PDE4D: variants seen among roughly 807,000 people sequenced by gnomAD.
The protein encoded by PDE4D is 3',5'-cyclic-AMP phosphodiesterase 4D.
PDE4D carries 24 observed loss-of-function variants against 87.4 expected under a neutral mutation model. The observed-to-expected ratio is 0.27, with a 90% confidence interval of 0.20 to 0.39. The LOEUF (loss-of-function observed/expected upper bound fraction) is 0.39, where lower values mean the gene tolerates loss of function less well. Ranked by LOEUF, PDE4D falls within the 10% of genes least tolerant of loss-of-function variation. The pLI is 1.00. For synonymous variants in PDE4D, 384 were observed against 383.2 expected, an observed-to-expected ratio of 1.00 and a Z score of -0.02; for missense variants, 714 against 1,041.0, an observed-to-expected ratio of 0.69 and a Z score of 4.32.
chr5:60,155,294 G>A (rs1363506723), intron 2 of PDE4D, among the ~76,000 whole-genome samples: 5 of 152,170 alleles, frequency 3.3e-5, no homozygotes, highest in Admixed American at 2.6e-4. Context: ...AATTTTTGTG[G>A]TGTGTACTTG....
At chr5:60,380,929 G>A (rs973156412) in intron 1 of PDE4D, among the ~76,000 whole-genome samples, 5 of 152,154 alleles carry the variant, frequency 3.3e-5, no homozygotes, top group African/African-American at 1.2e-4. Flanking sequence ...AACCAACAAA[G>A]CTTGGTGATT....
intron 1 of PDE4D, among the ~76,000 whole-genome samples, chr5:60,380,238 T>C (rs554271145): frequency 3.0e-4 from 45 of 152,312 alleles, no homozygotes; most frequent in African/African-American, 1.1e-3. Context: ...CAGGATAGAT[T>C]AGTGTATCCT....
intron 2 of PDE4D, among the ~76,000 whole-genome samples, chr5:59,990,370 T>C (rs1392313067): frequency 2.6e-5 from 4 of 152,168 alleles, no homozygotes; most frequent in Non-Finnish European, 4.4e-5. Context: ...ATGCTGTCTT[T>C]GATGCTCACT....
At chr5:59,418,106 C>T (rs1332932520) in intron 1 of PDE4D, among the ~76,000 whole-genome samples, 2 of 152,164 alleles carry the variant, frequency 1.3e-5, no homozygotes, top group Non-Finnish European at 2.9e-5. Context: ...CATTAGTCTC[C>T]TTACTCTAGT....
At chr5:59,003,573 C>T (rs1486836708) in intron 6 of PDE4D, among the ~76,000 whole-genome samples, 4 of 152,214 alleles carry the variant, frequency 2.6e-5, no homozygotes, top group African/African-American at 9.6e-5. Context: ...ATGTCAGGCA[C>T]TGCCTGAGAA....
In PDE4D at chr5:59,616,945, A is replaced by ATATATATATATATC. The variant is rs936160133; in HGVS notation, c.455+276222_455+276223insGATATATATATATA. Among the ~76,000 whole-genome samples the ATATATATATATATC allele has an allele frequency of 2.9e-4, 40 of 137,266 alleles. 2 individuals carry two copies. Among genetic ancestry groups the ATATATATATATATC allele is most frequent in the Middle Eastern group, 3.8e-3 (1 of 264 alleles). 90.1% of individuals were successfully genotyped at this position (137,266 alleles called of 152,430 possible). On this transcript the variant is annotated intron_variant, in intron 1 of 14. Coordinates refer to ENST00000340635, the MANE Select transcript of PDE4D (RefSeq NM_001104631.2). ...TATATATATATATATATATATATAT[A>ATATATATATATATC]TCTCCAAGATTTTAAAGTATTAGGT... is the stretch of plus-strand genomic sequence containing the variant.
intron 1 of PDE4D, among the ~76,000 whole-genome samples, chr5:59,599,860 G>A (rs1051774320): frequency 3.3e-5 from 5 of 152,160 alleles, no homozygotes; most frequent in Non-Finnish European, 5.9e-5. Flanking sequence ...AGAAAGTGGT[G>A]AGGAAAGGAA....
chr5:60,032,479 T>G (rs1428756520), intron 2 of PDE4D, among the ~76,000 whole-genome samples: 1 of 152,202 alleles, frequency 6.6e-6, no homozygotes, highest in Non-Finnish European at 1.5e-5. Context: ...GGTAAGAGTT[T>G]CCAGGACTCA....
chr5:59,368,615 C>A (rs1417897017), intron 1 of PDE4D, among the ~76,000 whole-genome samples: 1 of 152,048 alleles, frequency 6.6e-6, no homozygotes, highest in South Asian at 2.1e-4. Flanking sequence ...CAGGAAAAAC[C>A]AAATTTTGGA....
chr5:59,504,910 G>A (rs1582897664), intron 1 of PDE4D, among the ~76,000 whole-genome samples: 1 of 70,978 alleles, frequency 1.4e-5, no homozygotes. Context: ...ATATGTGTGT[G>A]TGTGTGTGTG....
chr5:59,193,567 A>G (rs1744789756), intron 2 of PDE4D, 31 bp from the exon 3 acceptor site: 1 of 1,611,336 alleles, frequency 6.2e-7, no homozygotes, highest in East Asian at 2.2e-5. Context: ...CGCATTAGAA[A>G]TCATCAATAA....
intron 1 of PDE4D, among the ~76,000 whole-genome samples, chr5:59,487,259 A>T (rs776929719): frequency 7.9e-5 from 12 of 151,756 alleles, no homozygotes; most frequent in Non-Finnish European, 1.5e-4. Flanking sequence ...TATTTCAAGC[A>T]TCCTGGGAAA....
chr5:59,585,022 A>G (rs1478070010), intron 1 of PDE4D, among the ~76,000 whole-genome samples: 5 of 152,180 alleles, frequency 3.3e-5, no homozygotes, highest in African/African-American at 1.2e-4. Flanking sequence ...AGGCAATGGC[A>G]CCAAGGCTCC....
chr5:59,961,045 T>C (rs1438839664), intron 3 of PDE4D, among the ~76,000 whole-genome samples: 1 of 152,126 alleles, frequency 6.6e-6, no homozygotes, highest in Non-Finnish European at 1.5e-5. Context: ...CTGGTCTATG[T>C]GCTGGAGACA....
At chr5:59,994,702 G>A (rs1184556561) in intron 2 of PDE4D, among the ~76,000 whole-genome samples, 2 of 152,126 alleles carry the variant, frequency 1.3e-5, no homozygotes, top group African/African-American at 4.8e-5. Context: ...ATTTACATGA[G>A]AGACACTTGC....
intron 2 of PDE4D, among the ~76,000 whole-genome samples, chr5:60,157,192 A>C (rs1040584990): frequency 1.3e-5 from 2 of 152,174 alleles, no homozygotes; most frequent in Non-Finnish European, 2.9e-5. Context: ...TGGTAGATGA[A>C]AATACTAATT....
At chr5:59,492,072 AC>A (rs1806313296) in intron 1 of PDE4D, among the ~76,000 whole-genome samples, 1 of 151,988 alleles carries the variant, frequency 6.6e-6, no homozygotes, top group Admixed American at 6.6e-5. Context: ...AGAGAACCCC[AC>A]CCCCAAACAA....
intron 1 of PDE4D, among the ~76,000 whole-genome samples, chr5:59,450,566 A>G (rs1256877008): frequency 6.6e-6 from 1 of 152,206 alleles, no homozygotes; most frequent in South Asian, 2.1e-4. Context: ...TTTAAATTCT[A>G]ACAACTATTA....
chr5:59,344,890 C>T (rs1467832792), intron 1 of PDE4D, among the ~76,000 whole-genome samples: 1 of 152,066 alleles, frequency 6.6e-6, no homozygotes, highest in Non-Finnish European at 1.5e-5. Context: ...CCACAGTTAT[C>T]ACACATACTA....
Sources: gnomAD v4.1 joint callset for allele counts (sites outside exome capture counted in the v4.1 genomes callset) on GRCh38, gnomAD v4.1.1 for gene constraint, MANE v1.5 for transcripts, NCBI Gene and HGNC (gene_info 2026-07-23, HGNC 2026-07-21) for gene names.